CNTFR: variants seen among roughly 807,000 people sequenced by gnomAD.
CNTFR encodes ciliary neurotrophic factor receptor.
CNTFR carries 12 observed loss-of-function variants against 40.4 expected under a neutral mutation model. That is an observed-to-expected ratio of 0.30 (90% CI 0.19 to 0.48). The LOEUF (loss-of-function observed/expected upper bound fraction) is 0.48. Ranked by LOEUF, CNTFR falls within the 20% of genes least tolerant of loss-of-function variation. CNTFR has a pLI of 0.99. For synonymous variants in CNTFR, 202 were observed against 209.6 expected (o/e 0.96, Z 0.31); for missense variants, 414 against 506.8 (o/e 0.82, Z 1.76).
intron 1 of CNTFR, among the ~76,000 whole-genome samples, chr9:34,583,329 C>T (rs1827401867): frequency 6.6e-6 from 1 of 152,204 alleles, no homozygotes; most frequent in South Asian, 2.1e-4. Flanking sequence ...AACCTGTGAC[C>T]CCTAATATGG....
At chr9:34,588,419 C>T (rs906699650) in intron 1 of CNTFR, among the ~76,000 whole-genome samples, 1 of 152,140 alleles carries the variant, frequency 6.6e-6, no homozygotes, top group Non-Finnish European at 1.5e-5. Flanking sequence ...ACAGACACAC[C>T]CAGCATTTCA....
At chr9:34,588,130 G>A (rs1331015190) in intron 1 of CNTFR, among the ~76,000 whole-genome samples, 1 of 152,152 alleles carries the variant, frequency 6.6e-6, no homozygotes, top group African/African-American at 2.4e-5. Context: ...AGCCCTGACA[G>A]TGTGAACCTT....
Position 34,568,918 on chromosome 9 carries a change from C to T in CNTFR, c.64G>A (p.Ala22Thr), listed in dbSNP as rs753791400. The T allele has an allele frequency of 4.2e-5, 67 of 1,597,112 alleles. No individual in the cohort carries two copies. The highest frequency in any genetic ancestry group is 3.3e-4 in the Middle Eastern group (2 of 6,056). ...VLAAAAAVVYAQRHSPQEAPH... is the reference protein window; with the variant it reads ...VLAAAAAVVYTQRHSPQEAPH... ...TCACCCTGTGGACTGTGTCTCTGGG[C>T]GTAGACAACTGCGGCGGCGGCGGCA... Residue 22 changes from alanine to threonine, a missense_variant, in exon 3 of 10, where the codon GCC becomes ACC. Ala to Thr is a moderately conservative substitution (Grantham distance 58). This residue lies in a region of CNTFR where 250 missense variants were observed against 269.5 expected (regional missense o/e 0.93). Coordinates refer to ENST00000378980, the MANE Select transcript of CNTFR (RefSeq NM_147164.3).
Position 34,552,513 on chromosome 9 carries a change from AG to A in CNTFR, c.949+160del, listed in dbSNP as rs1294844556. ...CCAATGACCCCTACCAAGGATGTCC[AG>A]ATAGCAAGGACCAGGAATGGCAGGA... On this transcript the variant is annotated intron_variant, in intron 8 of 9. Transcript: ENST00000378980. This position sits in a 1 kb window ranked among gnomAD's most constrained non-coding sequence, Gnocchi z 5.1. Among the ~76,000 whole-genome samples, 1 of 152,178 alleles carries A rather than the reference AG, an allele frequency of 6.6e-6. No homozygotes were observed. Among genetic ancestry groups the A allele is most frequent in the Non-Finnish European group, 1.5e-5 (1 of 68,022 alleles).
chr9:34,554,092 C>A (rs921268561), intron 7 of CNTFR, among the ~76,000 whole-genome samples: 2 of 152,150 alleles, frequency 1.3e-5, no homozygotes, highest in Admixed American at 6.5e-5. Context: ...TGGTGAGACA[C>A]CTTTTGGGCC....
intron 2 of CNTFR, among the ~76,000 whole-genome samples, chr9:34,571,694 C>T (rs763220574): frequency 1.7e-4 from 26 of 152,028 alleles, no homozygotes; most frequent in African/African-American, 2.9e-4. Flanking sequence ...GCTGCAGCCA[C>T]GGGAGACGGG....
chr9:34,577,949 C>A (rs562851561), intron 2 of CNTFR, among the ~76,000 whole-genome samples: 1 of 150,282 alleles, frequency 6.7e-6, no homozygotes, highest in Admixed American at 6.6e-5. Context: ...GGCGGGCGGG[C>A]GAGCGCGGGG....
intron 2 of CNTFR, among the ~76,000 whole-genome samples, chr9:34,573,449 A>G (rs1414400487): frequency 6.6e-6 from 1 of 152,206 alleles, no homozygotes; most frequent in Admixed American, 6.5e-5. Context: ...TGGCCTGGAC[A>G]ATGAAGGATC....
At chr9:34,578,895 TTC>T (rs1259852125) in intron 2 of CNTFR, among the ~76,000 whole-genome samples, 1 of 152,176 alleles carries the variant, frequency 6.6e-6, no homozygotes, top group African/African-American at 2.4e-5. Flanking sequence ...TCCAGTTACT[TTC>T]TGCATTTGGG....
At chr9:34,589,899 C>T (rs1352971976), upstream of CNTFR, among the ~76,000 whole-genome samples, 1 of 150,410 alleles carries the variant, frequency 6.6e-6, no homozygotes, top group Non-Finnish European at 1.5e-5. The surrounding 1 kb of genome is among the most constrained non-coding windows in gnomAD (Gnocchi z 4.4). Flanking sequence ...CGCGCCACGA[C>T]CCCTCCCCGC....
rs1348325471 is a variant in CNTFR at position 34,557,968 on chromosome 9, A to G, written c.336T>C (p.Pro112=). 1.3e-6 allele frequency: 2 copies of G among 1,547,230 alleles called. No individual in the cohort carries two copies. The highest frequency in any genetic ancestry group is 1.7e-6 in the Non-Finnish European group (2 of 1,146,754). ...AAGTGTTGGAGCGGCAGCTGAGCAC[A>G]GGCTCCCGCGGCGGCACTGGGGGTG... ...LLHVGLPPRE[P]VLSCRSNTYP... is the part of the protein sequence containing the mutation. The change falls in exon 5 of 10, where the codon CCT becomes CCC. Residue 112 remains proline (P), a synonymous_variant. Coordinates refer to ENST00000378980, the MANE Select transcript of CNTFR (RefSeq NM_147164.3). This position sits in a 1 kb window ranked among gnomAD's most constrained non-coding sequence, Gnocchi z 4.2.
Position 34,552,971 on chromosome 9 carries a change from G to A in CNTFR, c.769-117C>T. 1 of 925,158 alleles carries A rather than the reference G, an allele frequency of 1.1e-6. No homozygotes were observed. 57.3% of individuals were successfully genotyped at this position (925,158 alleles called of 1,614,324 possible). A position where few individuals can be genotyped will look rare whatever the true frequency, so the allele number is the denominator to read the frequency against. On this transcript the variant is annotated intron_variant, in intron 7 of 9. Transcript: ENST00000378980. This position sits in a 1 kb window ranked among gnomAD's most constrained non-coding sequence, Gnocchi z 5.1. Reference sequence around the variant, plus strand: ...AGGAGAGTAAAGGGCTCTGGGGGCAGTGAGGACTTCCCTGAGGAGAAGGAG... The same window carrying A: ...AGGAGAGTAAAGGGCTCTGGGGGCAATGAGGACTTCCCTGAGGAGAAGGAG...
At chr9:34,567,549 A>G (rs1826364796) in intron 3 of CNTFR, among the ~76,000 whole-genome samples, 1 of 152,196 alleles carries the variant, frequency 6.6e-6, no homozygotes, top group South Asian at 2.1e-4. Flanking sequence ...ATACGAGATC[A>G]CATGTACACG....
In CNTFR at chr9:34,552,572, C is replaced by CG. The variant is rs1825680115; in HGVS notation, c.949+101dup. The CG allele has an allele frequency of 5.3e-5, 68 of 1,286,902 alleles. No individual in the cohort carries two copies. The highest frequency in any genetic ancestry group is 7.1e-5 in the Non-Finnish European group (67 of 949,268). 79.7% of individuals were successfully genotyped at this position (1,286,902 alleles called of 1,614,324 possible). On this transcript the variant is annotated intron_variant, in intron 8 of 9. Coordinates refer to ENST00000378980, the MANE Select transcript of CNTFR (RefSeq NM_147164.3). The surrounding 1 kb of genome is among the most constrained non-coding windows in gnomAD (Gnocchi z 5.1). ...AGACAGGCAGAAGTGTGGCTACCCC[C>CG]GGGAGCAGAGGCTGGAGGCAGCAGG...
chr9:34,562,063 AAAG>A (rs1233644925), intron 4 of CNTFR, among the ~76,000 whole-genome samples: 29 of 152,326 alleles, frequency 1.9e-4, no homozygotes, highest in African/African-American at 7.0e-4. Context: ...ACGACCTCTC[AAAG>A]AAGATCACAT....
At chr9:34,566,678 T>C (rs1397651571) in intron 3 of CNTFR, among the ~76,000 whole-genome samples, 6 of 152,094 alleles carry the variant, frequency 3.9e-5, no homozygotes. Context: ...GGAGGGGGCG[T>C]GGCCATCATG....
chr9:34,552,929 A>G lies in CNTFR; in HGVS notation c.769-75T>C. ...GGGTGAGGTCCCTCCAGAGGAAGTGAGCATGCCTCTGAGGAGAGGAGAGTA... is the reference window on the plus strand; with the variant it reads ...GGGTGAGGTCCCTCCAGAGGAAGTGGGCATGCCTCTGAGGAGAGGAGAGTA... On this transcript the variant is annotated intron_variant, in intron 7 of 9. Transcript: ENST00000378980. The surrounding 1 kb of genome is among the most constrained non-coding windows in gnomAD (Gnocchi z 5.1). The G allele has an allele frequency of 6.8e-7, 1 of 1,462,142 alleles. No homozygotes were observed. The highest frequency in any genetic ancestry group is 9.4e-7 in the Non-Finnish European group (1 of 1,067,804). The allele number at this position is 1,462,142 out of a possible 1,614,324, so 90.6% of individuals were successfully genotyped here.
At chr9:34,554,657 C>G (rs1825764786) in intron 7 of CNTFR, among the ~76,000 whole-genome samples, 1 of 152,236 alleles carries the variant, frequency 6.6e-6, no homozygotes, top group Non-Finnish European at 1.5e-5. Context: ...CCCTCTTGTC[C>G]ATGCTGAGAC....
intron 2 of CNTFR, among the ~76,000 whole-genome samples, chr9:34,575,710 G>A (rs1833214206): frequency 7.3e-6 from 1 of 136,830 alleles, no homozygotes; most frequent in Admixed American, 7.1e-5. Flanking sequence ...CACCCCGGGG[G>A]GTGGGGGCAG....
Sources: gnomAD v4.1 joint callset for allele counts (sites outside exome capture counted in the v4.1 genomes callset) on GRCh38, gnomAD v4.1.1 for gene constraint, gnomAD v4.1.1 regional missense constraint, Gnocchi (gnomAD v3.1) non-coding constraint, MANE v1.5 for transcripts, NCBI Gene and HGNC (gene_info 2026-07-23, HGNC 2026-07-21) for gene names.